Variants in CSGALNACT1 observed in about 807,000 individuals in gnomAD.
CSGALNACT1 encodes the protein chondroitin sulfate N-acetylgalactosaminyltransferase 1.
Under a neutral mutation model 51.0 loss-of-function variants are expected in CSGALNACT1, and 52 were observed. That is an observed-to-expected ratio of 1.02 (90% CI 0.82 to 1.29). The LOEUF (loss-of-function observed/expected upper bound fraction) is 1.29, where lower values mean the gene tolerates loss of function less well. Ranked by LOEUF, CSGALNACT1 falls within the 50% of genes most tolerant of loss-of-function variation. CSGALNACT1 has a pLI of 0.00. For missense variants in CSGALNACT1, 935 were observed against 679.2 expected (o/e 1.38, Z -4.19); for synonymous variants, 341 against 254.4 (o/e 1.34, Z -3.24).
At chr8:19,594,510 A>G (rs1220635507) in intron 2 of CSGALNACT1, among the ~76,000 whole-genome samples, 1 of 152,170 alleles carries the variant, frequency 6.6e-6, no homozygotes, top group Non-Finnish European at 1.5e-5. Context: ...AAAGAACTCA[A>G]GCTGCCCACA....
intron 1 of CSGALNACT1, among the ~76,000 whole-genome samples, chr8:19,674,428 G>A (rs1006070039): frequency 2.6e-5 from 4 of 152,142 alleles, no homozygotes; most frequent in Middle Eastern, 3.4e-3. Context: ...TATGGTGGCA[G>A]GGGGGAAGAC....
upstream of CSGALNACT1, among the ~76,000 whole-genome samples, chr8:19,605,583 T>C (rs773338911): frequency 1.1e-4 from 16 of 152,184 alleles, no homozygotes; most frequent in Non-Finnish European, 1.8e-4. Flanking sequence ...GAAGAGCTCA[T>C]GTGTCATCAC....
At chr8:19,590,684 C>G (rs767414139) in intron 3 of CSGALNACT1, among the ~76,000 whole-genome samples, 1 of 112,142 alleles carries the variant, frequency 8.9e-6, no homozygotes, top group African/African-American at 3.6e-5. Flanking sequence ...GAGTCTCGCT[C>G]TGTCGCCCAG....
chr8:19,570,625 G>T (rs916562285), intron 3 of CSGALNACT1, among the ~76,000 whole-genome samples: 1 of 152,204 alleles, frequency 6.6e-6, no homozygotes, highest in Non-Finnish European at 1.5e-5. Flanking sequence ...GTACAGGCCG[G>T]GTTTGGCGGC....
intron 3 of CSGALNACT1, among the ~76,000 whole-genome samples, chr8:19,536,624 T>TA (rs1031785568): frequency 2.0e-5 from 3 of 152,136 alleles, no homozygotes; most frequent in Admixed American, 6.5e-5. Context: ...ATAACTCCTA[T>TA]AAAAAATCTC....
intron 1 of CSGALNACT1, among the ~76,000 whole-genome samples, chr8:19,661,321 T>G (rs770374367): frequency 6.6e-6 from 1 of 152,194 alleles, no homozygotes; most frequent in Non-Finnish European, 1.5e-5. Flanking sequence ...CTAGAGCATG[T>G]GAAGATGAGT....
intron 1 of CSGALNACT1, among the ~76,000 whole-genome samples, chr8:19,719,726 T>C (rs1234915554): frequency 6.6e-6 from 1 of 152,224 alleles, no homozygotes; most frequent in Non-Finnish European, 1.5e-5. Flanking sequence ...CATTTCTACG[T>C]GGGAGGATGC....
chr8:19,557,234 A>T (rs1776990844), intron 3 of CSGALNACT1, among the ~76,000 whole-genome samples: 1 of 152,146 alleles, frequency 6.6e-6, no homozygotes, highest in Non-Finnish European at 1.5e-5. Context: ...TCTACCCGGA[A>T]TCCCTGTCTA....
At chr8:19,563,872 G>C (rs772075423) in intron 3 of CSGALNACT1, among the ~76,000 whole-genome samples, 4 of 151,874 alleles carry the variant, frequency 2.6e-5, no homozygotes, top group Non-Finnish European at 5.9e-5. Context: ...CCCTCCCCCA[G>C]GCATGTCCTC....
intron 1 of CSGALNACT1, among the ~76,000 whole-genome samples, chr8:19,739,721 G>T (rs145693219): frequency 1.6e-3 from 241 of 152,228 alleles, no homozygotes; most frequent in African/African-American, 5.6e-3. Context: ...GCTCTCTTGC[G>T]CCATGAGCAC....
intron 1 of CSGALNACT1, among the ~76,000 whole-genome samples, chr8:19,751,393 A>G (rs1037181595): frequency 3.3e-5 from 5 of 152,196 alleles, no homozygotes; most frequent in Non-Finnish European, 5.9e-5. Context: ...ATCAGTGTTA[A>G]CCGTTTTTAT....
At chr8:19,693,637 T>C (rs2061442235) in intron 1 of CSGALNACT1, among the ~76,000 whole-genome samples, 1 of 152,152 alleles carries the variant, frequency 6.6e-6, no homozygotes. Flanking sequence ...AGGGAGCCCC[T>C]GTTCACATAC....
At chr8:19,467,636 T>C (rs1176285783) in intron 4 of CSGALNACT1, among the ~76,000 whole-genome samples, 1 of 152,160 alleles carries the variant, frequency 6.6e-6, no homozygotes, top group Non-Finnish European at 1.5e-5. Context: ...GTTTTTTTTT[T>C]TATTAATTTT....
At chr8:19,656,222 G>C (rs2058260512) in intron 1 of CSGALNACT1, among the ~76,000 whole-genome samples, 1 of 152,150 alleles carries the variant, frequency 6.6e-6, no homozygotes, top group African/African-American at 2.4e-5. Flanking sequence ...AAGCAGCATG[G>C]CTGTCTCTCA....
At position 19,744,750 on chromosome 8, in the gene CSGALNACT1, T is replaced by G. The variant is rs965332661; in HGVS notation, c.-297+13100A>C. 2.6e-5 allele frequency among the ~76,000 whole-genome samples: 4 copies of G among 152,344 alleles called. No homozygotes were observed. The East Asian group carries it at 7.7e-4, about 29-fold the overall frequency. ...AAATATGGGGATCCTTGAATGTGAT[T>G]TGTCTATTCACGAACACAGTTTTTA... is the stretch of plus-strand genomic sequence containing the variant. On this transcript the variant is annotated intron_variant, in intron 1 of 1. Transcript: ENST00000517494.
At chr8:19,466,805 C>A (rs1364669363) in intron 4 of CSGALNACT1, among the ~76,000 whole-genome samples, 2 of 152,186 alleles carry the variant, frequency 1.3e-5, no homozygotes, top group Non-Finnish European at 2.9e-5. Context: ...AATGTCCCTA[C>A]TTTCCCGTGC....
chr8:19,443,036 C>CTCA (rs2061571540), intron 5 of CSGALNACT1, among the ~76,000 whole-genome samples: 1 of 152,150 alleles, frequency 6.6e-6, no homozygotes, highest in South Asian at 2.1e-4. Context: ...CACCGAGCAC[C>CTCA]TCATGCTCCA....
At chr8:19,523,735 G>A (rs1285912550) in intron 3 of CSGALNACT1, among the ~76,000 whole-genome samples, 2 of 152,154 alleles carry the variant, frequency 1.3e-5, no homozygotes, top group Admixed American at 6.5e-5. Flanking sequence ...ATTATCACAG[G>A]AGACAAACCG....
chr8:19,635,606 C>G (rs1564313556), intron 1 of CSGALNACT1, among the ~76,000 whole-genome samples: 1 of 152,172 alleles, frequency 6.6e-6, no homozygotes, highest in Non-Finnish European at 1.5e-5. Context: ...ACAGGCATTT[C>G]AAGATCAGCT....
Sources: gnomAD v4.1 joint callset for allele counts (sites outside exome capture counted in the v4.1 genomes callset) on GRCh38, gnomAD v4.1.1 for gene constraint, MANE v1.5 for transcripts, NCBI Gene and HGNC (gene_info 2026-07-23, HGNC 2026-07-21) for gene names.